Variants in SYT16 observed in about 807,000 individuals in gnomAD.
SYT16 encodes the protein synaptotagmin 16, also known as synaptotagmin-16.
Under a neutral mutation model 61.4 loss-of-function variants are expected in SYT16, and 42 were observed. That is an observed-to-expected ratio of 0.68 (90% CI 0.53 to 0.89). SYT16 has a LOEUF of 0.89. Ranked by LOEUF, SYT16 falls within the 40% of genes least tolerant of loss-of-function variation. The pLI is 0.00. For missense variants in SYT16, 804 were observed against 807.3 expected (o/e 1.00, Z 0.05); for synonymous variants, 314 against 302.3 (o/e 1.04, Z -0.40).
chr14:62,046,369 G>A (rs564049870), intron 3 of SYT16, among the ~76,000 whole-genome samples: 116 of 152,216 alleles, frequency 7.6e-4, no homozygotes, highest in African/African-American at 2.6e-3. Flanking sequence ...TGTCACATGA[G>A]TAGGTTGCAA....
At chr14:61,904,186 T>G in intron 1 of SYT16, among the ~76,000 whole-genome samples, 1 of 152,210 alleles carries the variant, frequency 6.6e-6, no homozygotes, top group East Asian at 1.9e-4. Flanking sequence ...GTCTCCCCAT[T>G]CTGTGGAGTT....
intron 3 of SYT16, among the ~76,000 whole-genome samples, chr14:62,001,673 T>C (rs2053022162): frequency 6.6e-6 from 1 of 152,098 alleles, no homozygotes; most frequent in Admixed American, 6.6e-5. Context: ...TCTTCAAATA[T>C]TTATTCTACC....
intron 1 of SYT16, among the ~76,000 whole-genome samples, chr14:61,924,322 C>A (rs551813903): frequency 3.9e-4 from 60 of 152,262 alleles, no homozygotes; most frequent in South Asian, 1.0e-3. Flanking sequence ...CCAAGATAAT[C>A]CCTGGGTGTC....
chr14:62,052,802 C>T (rs1324082103), intron 3 of SYT16, among the ~76,000 whole-genome samples: 1 of 152,190 alleles, frequency 6.6e-6, no homozygotes, highest in African/African-American at 2.4e-5. Context: ...AGTCAGCTGT[C>T]TGCAGCCTAG....
chr14:61,942,900 T>C (rs1274612602), intron 1 of SYT16, among the ~76,000 whole-genome samples: 3 of 151,922 alleles, frequency 2.0e-5, no homozygotes, highest in Admixed American at 2.0e-4. Flanking sequence ...CTGAAGGAGA[T>C]AGAGACATGA....
chr14:61,948,641 G>T lies in SYT16; in HGVS notation c.-324-21491G>T, dbSNP rs145114547. ...GCAGGACATCCTGGTAGAGATATAC[G>T]TGCCAGATTAGAGATTTGACATATT... On this transcript the variant is annotated intron_variant, in intron 1 of 7. Coordinates refer to ENST00000683842, the MANE Select transcript of SYT16 (RefSeq NM_001367656.1). Among the ~76,000 whole-genome samples, 183 of 152,258 alleles carry T rather than the reference G, an allele frequency of 1.2e-3. 2 individuals carry two copies. Among genetic ancestry groups the T allele is most frequent in the Admixed American group, 2.5e-3 (39 of 15,300 alleles).
At chr14:61,844,198 G>A (rs1440008628) in intron 1 of SYT16, among the ~76,000 whole-genome samples, 1 of 151,848 alleles carries the variant, frequency 6.6e-6, no homozygotes, top group Non-Finnish European at 1.5e-5. Flanking sequence ...ATTGTTTACT[G>A]TTGTCATGTA....
At chr14:62,072,019 A>G (rs1296893560) in intron 4 of SYT16, among the ~76,000 whole-genome samples, 3 of 152,206 alleles carry the variant, frequency 2.0e-5, no homozygotes, top group Non-Finnish European at 4.4e-5. Flanking sequence ...TTGTCAATGC[A>G]TTCCTGATAA....
At chr14:62,047,069 A>G (rs2055024886) in intron 3 of SYT16, among the ~76,000 whole-genome samples, 1 of 152,166 alleles carries the variant, frequency 6.6e-6, no homozygotes, top group Admixed American at 6.5e-5. Flanking sequence ...CACAATATTG[A>G]TTCTTCCTAC....
intron 1 of SYT16, chr14:61,832,269 G>A (rs1288085192): frequency 2.5e-5 from 15 of 596,672 alleles, no homozygotes; most frequent in South Asian, 1.4e-4. Flanking sequence ...AGCTGGGAGC[G>A]CATAGTCATC....
intron 1 of SYT16, among the ~76,000 whole-genome samples, chr14:61,883,950 A>T (rs958590614): frequency 1.3e-5 from 2 of 152,214 alleles, no homozygotes; most frequent in Admixed American, 6.5e-5. Flanking sequence ...ACTAACTATC[A>T]TGAGAACAGC....
At chr14:61,871,612 A>G (rs1462837731) in intron 1 of SYT16, among the ~76,000 whole-genome samples, 1 of 152,170 alleles carries the variant, frequency 6.6e-6, no homozygotes, top group African/African-American at 2.4e-5. Context: ...GCTTTCCTGC[A>G]TCTTTAAAAA....
chr14:62,051,119 C>A (rs533738130), intron 3 of SYT16, among the ~76,000 whole-genome samples: 3 of 152,230 alleles, frequency 2.0e-5, no homozygotes, highest in Non-Finnish European at 2.9e-5. Context: ...TGGGCTCCAC[C>A]CAGTTCGAGC....
At chr14:62,092,712 G>T (rs938612174) in intron 7 of SYT16, among the ~76,000 whole-genome samples, 1 of 151,942 alleles carries the variant, frequency 6.6e-6, no homozygotes, top group African/African-American at 2.4e-5. Flanking sequence ...AATGGTGGTT[G>T]CCAGGGGGTG....
intron 1 of SYT16, among the ~76,000 whole-genome samples, chr14:61,878,751 G>C (rs998660087): frequency 2.6e-5 from 4 of 152,158 alleles, no homozygotes; most frequent in Admixed American, 1.3e-4. Context: ...TTCTGCTGTG[G>C]ACTAGGAAGA....
At chr14:62,021,310 G>A (rs971662565) in intron 3 of SYT16, among the ~76,000 whole-genome samples, 1 of 152,120 alleles carries the variant, frequency 6.6e-6, no homozygotes, top group Non-Finnish European at 1.5e-5. Context: ...TGGTGTAAGT[G>A]TGGTCTTAGG....
At chr14:61,842,326 C>T (rs1442003193) in intron 1 of SYT16, among the ~76,000 whole-genome samples, 1 of 152,202 alleles carries the variant, frequency 6.6e-6, no homozygotes, top group Non-Finnish European at 1.5e-5. Flanking sequence ...CCTCCTGCCA[C>T]TCTTCTAGCC....
chr14:61,918,259 T>C (rs1334378771), intron 1 of SYT16, among the ~76,000 whole-genome samples: 1 of 152,304 alleles, frequency 6.6e-6, no homozygotes, highest in East Asian at 1.9e-4. Context: ...TCCAGTGTCC[T>C]GATTAGAAGG....
chr14:61,906,703 A>G (rs1010970390), intron 1 of SYT16, among the ~76,000 whole-genome samples: 12 of 139,714 alleles, frequency 8.6e-5, no homozygotes, highest in African/African-American at 3.3e-4. Context: ...TGTACCATCC[A>G]TCCATCCTTC....
Sources: allele counts gnomAD v4.1 joint callset (sites outside exome capture counted in the v4.1 genomes callset), GRCh38; gene constraint gnomAD v4.1.1; transcripts MANE v1.5; gene names NCBI Gene and HGNC (gene_info 2026-07-23, HGNC 2026-07-21).